TRIO: variants seen among roughly 807,000 people sequenced by gnomAD.
TRIO encodes trio Rho guanine nucleotide exchange factor.
A neutral mutation model predicts 351.9 loss-of-function variants in TRIO; 58 were observed. The ratio of observed to expected loss-of-function variants is 0.16; its 90% CI spans 0.13 to 0.21. The LOEUF is 0.21. TRIO is among the 10% of genes least tolerant of loss of function. TRIO has a pLI of 1.00. For missense variants in TRIO, 3,201 were observed against 4,027.8 expected, an observed-to-expected ratio of 0.79 and a Z score of 5.56; for synonymous variants, 1,758 against 1,595.7, an observed-to-expected ratio of 1.10 and a Z score of -2.42.
At chr5:14,274,871 C>T (rs1432475021) in intron 2 of TRIO, among the ~76,000 whole-genome samples, 1 of 152,188 alleles carries the variant, frequency 6.6e-6, no homozygotes, top group Non-Finnish European at 1.5e-5. Flanking sequence ...GTTTTGTTTG[C>T]TGATGTGACA....
rs1353964231 is a variant in TRIO at position 14,287,093 on chromosome 5, A to C, written c.540+30A>C. 3 of 1,602,842 alleles carry C rather than the reference A, an allele frequency of 1.9e-6. No individual in the cohort carries two copies. The Admixed American group carries it at 5.1e-5, about 27-fold the overall frequency. ...CTTCCCCCGTGTGGCTAGACCCACTAAACAAGTTGGTGTGGTTTACTAAAA... is the reference window on the plus strand; with the variant it reads ...CTTCCCCCGTGTGGCTAGACCCACTCAACAAGTTGGTGTGGTTTACTAAAA... On this transcript the variant is annotated intron_variant, in intron 4 of 56. Coordinates refer to ENST00000344204, the MANE Select transcript of TRIO (RefSeq NM_007118.4).
Position 14,179,472 on chromosome 5 carries a change from C to CT in TRIO, c.157+35591dup, listed in dbSNP as rs1212756944. Among the ~76,000 whole-genome samples the CT allele has an allele frequency of 3.0e-5, 4 of 131,698 alleles. No homozygotes were observed. In the East Asian group the frequency reaches 8.8e-4, roughly 29 times the overall value. The allele number at this position is 131,698 out of a possible 152,430, so 86.4% of individuals were successfully genotyped here. A position where few individuals can be genotyped will look rare whatever the true frequency, so the allele number is the denominator to read the frequency against. ...AGCTTTTTTTTTTTTTTCTTAAAAT[C>CT]TGGATTTTTTTTAGGGTCTCACTCT... is the stretch of plus-strand genomic sequence containing the variant. On this transcript the variant is annotated intron_variant, in intron 1 of 56. Transcript: ENST00000344204.
intron 52 of TRIO, 95 bp downstream of exon 52, chr5:14,498,346 T>C: frequency 6.5e-7 from 1 of 1,543,410 alleles, no homozygotes; most frequent in Non-Finnish European, 8.8e-7. Flanking sequence ...TGGATTTCTT[T>C]GGCTGCCTTC....
At chr5:14,414,643 C>T (rs897470505) in intron 33 of TRIO, among the ~76,000 whole-genome samples, 4 of 151,790 alleles carry the variant, frequency 2.6e-5, no homozygotes, top group South Asian at 2.1e-4. Flanking sequence ...AAAAATGTAA[C>T]GTAAAGTTTA....
In TRIO at chr5:14,509,459, T is replaced by G; in HGVS notation, c.*1037T>G. On this transcript the variant is annotated 3_prime_UTR_variant, in exon 57 of 57. Transcript: ENST00000344204. ...GGTTCAAAGAGACTTTTCGTGAAAT[T>G]TGTTGGTTTTGAGGACTGTAAAAGT... is the stretch of plus-strand genomic sequence containing the variant. 1 of 463,892 alleles carries G rather than the reference T, an allele frequency of 2.2e-6. No individual in the cohort carries two copies. Among genetic ancestry groups the G allele is most frequent in the African/African-American group, 2.0e-5 (1 of 50,910 alleles). 28.7% of individuals were successfully genotyped at this position (463,892 alleles called of 1,614,324 possible). A position where few individuals can be genotyped will look rare whatever the true frequency, so the allele number is the denominator to read the frequency against.
intron 1 of TRIO, among the ~76,000 whole-genome samples, chr5:14,265,207 T>C (rs1389166049): frequency 6.6e-6 from 1 of 152,006 alleles, no homozygotes; most frequent in Non-Finnish European, 1.5e-5. Flanking sequence ...GCTTGTCTTG[T>C]GGGCTTGGCT....
At chr5:14,449,589 G>C (rs1368588382) in intron 34 of TRIO, among the ~76,000 whole-genome samples, 1 of 151,978 alleles carries the variant, frequency 6.6e-6, no homozygotes, top group Non-Finnish European at 1.5e-5. Context: ...GTGATCAACT[G>C]TCCACCAGCT....
At chr5:14,275,684 A>G (rs894107221) in intron 2 of TRIO, among the ~76,000 whole-genome samples, 1 of 151,528 alleles carries the variant, frequency 6.6e-6, no homozygotes, top group African/African-American at 2.4e-5. Flanking sequence ...ACAAAAATGT[A>G]ATAGGCCTCA....
chr5:14,322,804 T>G (rs1740005586), intron 9 of TRIO, among the ~76,000 whole-genome samples: 1 of 152,232 alleles, frequency 6.6e-6, no homozygotes, highest in East Asian at 1.9e-4. Context: ...TGTCTCTTAA[T>G]TAGAATGGCT....
chr5:14,219,301 A>G (rs1482021685), intron 1 of TRIO, among the ~76,000 whole-genome samples: 1 of 152,008 alleles, frequency 6.6e-6, no homozygotes, highest in African/African-American at 2.4e-5. Flanking sequence ...CCCCCCGCCC[A>G]CAGTGGAGTA....
chr5:14,476,920 G>A lies in TRIO; in HGVS notation c.6110G>A (p.Cys2037Tyr). 1 of 1,613,930 alleles carries A rather than the reference G, an allele frequency of 6.2e-7. No individual in the cohort carries two copies. Among genetic ancestry groups the A allele is most frequent in the Non-Finnish European group, 8.5e-7 (1 of 1,179,932 alleles). Residue 2037 changes from cysteine (C) to tyrosine (Y), a missense_variant, in exon 41 of 57, where the codon TGC (cysteine) becomes TAC (tyrosine). Physicochemically the swap from Cys to Tyr is radical, Grantham distance 194. This residue lies in a region of TRIO where 307 missense variants were observed against 396.5 expected (regional missense o/e 0.77). Coordinates refer to ENST00000344204, the MANE Select transcript of TRIO (RefSeq NM_007118.4). Reference protein sequence around the residue: ...RDFFLGELEKCLEDPEKLGSL... With the variant: ...RDFFLGELEKYLEDPEKLGSL... The stretch of plus-strand genomic sequence containing the variant: ...TTTTTTTTAGGAGAGTTAGAGAAGT[G>A]CCTTGAAGATCCAGAAAAACTAGGA...
intron 1 of TRIO, among the ~76,000 whole-genome samples, chr5:14,253,215 T>C (rs914130673): frequency 6.6e-6 from 1 of 152,246 alleles, no homozygotes; most frequent in African/African-American, 2.4e-5. Flanking sequence ...AAAAATCTTT[T>C]AAGAAATACT....
At chr5:14,191,016 A>C (rs1790425475) in intron 1 of TRIO, among the ~76,000 whole-genome samples, 1 of 152,192 alleles carries the variant, frequency 6.6e-6, no homozygotes, top group African/African-American at 2.4e-5. Context: ...CGTGTTCTCC[A>C]AAGGGGCAGC....
intron 5 of TRIO, among the ~76,000 whole-genome samples, chr5:14,292,585 C>T (rs1737004856): frequency 6.6e-6 from 1 of 152,166 alleles, no homozygotes; most frequent in Non-Finnish European, 1.5e-5. Context: ...ATATTTCTGT[C>T]AGTAACCTGT....
chr5:14,450,616 CAG>C (rs1045913468), intron 34 of TRIO, among the ~76,000 whole-genome samples: 1 of 152,148 alleles, frequency 6.6e-6, no homozygotes, highest in African/African-American at 2.4e-5. Context: ...AAAGCAAAGA[CAG>C]AGTTCATATT....
In TRIO at chr5:14,207,463, TACACACACAC is replaced by T. The variant is rs70964545; in HGVS notation, c.158-63340_158-63331del. Among the ~76,000 whole-genome samples, 6 of 23,144 alleles carry T rather than the reference TACACACACAC, an allele frequency of 2.6e-4. 1 individual carries two copies. The highest frequency in any genetic ancestry group is 1.9e-3 in the East Asian group (1 of 532). 15.2% of individuals were successfully genotyped at this position (23,144 alleles called of 152,430 possible). A position where few individuals can be genotyped will look rare whatever the true frequency, so the allele number is the denominator to read the frequency against. ...AGGTAGCATAGCAAGACTGTCTCTC[TACACACACAC>T]ACACACACACACACACACACAGCCA... On this transcript the variant is annotated intron_variant, in intron 1 of 56. Coordinates refer to ENST00000344204, the MANE Select transcript of TRIO (RefSeq NM_007118.4).
intron 1 of TRIO, among the ~76,000 whole-genome samples, chr5:14,262,337 A>G (rs1795397857): frequency 1.3e-5 from 2 of 151,846 alleles, no homozygotes. Context: ...AGGGGAAGGC[A>G]TGTGTATGGA....
intron 1 of TRIO, among the ~76,000 whole-genome samples, chr5:14,243,210 G>A (rs1794233509): frequency 6.6e-6 from 1 of 151,972 alleles, no homozygotes; most frequent in Admixed American, 6.6e-5. Context: ...GATTTTGGGT[G>A]TGTCCATGTC....
chr5:14,463,683 T>C (rs1754001206), intron 36 of TRIO, among the ~76,000 whole-genome samples: 1 of 152,132 alleles, frequency 6.6e-6, no homozygotes, highest in South Asian at 2.1e-4. Flanking sequence ...GCTTTTTTTT[T>C]TTTTTTGGCA....
Sources: gnomAD v4.1 joint callset for allele counts (sites outside exome capture counted in the v4.1 genomes callset) on GRCh38, gnomAD v4.1.1 for gene constraint, gnomAD v4.1.1 regional missense constraint, MANE v1.5 for transcripts, NCBI Gene and HGNC (gene_info 2026-07-23, HGNC 2026-07-21) for gene names.